The following XKR4 variants were observed in gnomAD, a reference collection of about 807,000 sequenced individuals.
XKR4 encodes XK related 4.
XKR4 carries 12 observed loss-of-function variants against 53.9 expected under a neutral mutation model. That is an observed-to-expected ratio of 0.22 (90% CI 0.14 to 0.36). XKR4 has a LOEUF of 0.36. Ranked by LOEUF, XKR4 falls within the 10% of genes least tolerant of loss-of-function variation. XKR4 has a pLI of 1.00. For synonymous variants in XKR4, 354 were observed against 362.4 expected, an observed-to-expected ratio of 0.98 and a Z score of 0.26; for missense variants, 799 against 859.5, an observed-to-expected ratio of 0.93 and a Z score of 0.88.
At chr8:55,351,291 G>A (rs1803719603) in intron 1 of XKR4, among the ~76,000 whole-genome samples, 1 of 152,022 alleles carries the variant, frequency 6.6e-6, no homozygotes, top group Admixed American at 6.6e-5. Flanking sequence ...AGTATTAGAA[G>A]GTTTGATTTT....
chr8:55,349,828 C>G (rs1012142846), intron 1 of XKR4, among the ~76,000 whole-genome samples: 1 of 152,102 alleles, frequency 6.6e-6, no homozygotes, highest in Non-Finnish European at 1.5e-5. Context: ...TTCTAGAGAA[C>G]AATTTTACAA....
intron 1 of XKR4, among the ~76,000 whole-genome samples, chr8:55,244,380 C>T (rs918219947): frequency 1.3e-5 from 2 of 152,190 alleles, no homozygotes; most frequent in Non-Finnish European, 2.9e-5. Flanking sequence ...ATCCATGTTG[C>T]TGCATAGGAC....
intron 1 of XKR4, among the ~76,000 whole-genome samples, chr8:55,255,746 G>A (rs1818430044): frequency 1.3e-5 from 2 of 152,062 alleles, no homozygotes; most frequent in South Asian, 4.2e-4. Flanking sequence ...GATTAGCAAG[G>A]AGCTCTTTGT....
chr8:55,452,929 TCTC>T (rs1266023765), intron 2 of XKR4: 3 of 789,304 alleles, frequency 3.8e-6, no homozygotes, highest in African/African-American at 3.4e-5. Flanking sequence ...AACACTGTGC[TCTC>T]CTCCTTCTGC....
At chr8:55,402,318 C>A (rs1804613033) in intron 2 of XKR4, among the ~76,000 whole-genome samples, 1 of 152,194 alleles carries the variant, frequency 6.6e-6, no homozygotes, top group African/African-American at 2.4e-5. Context: ...CTGGGGCCAC[C>A]TTCACCCATG....
chr8:55,351,124 T>C (rs1303817295), intron 1 of XKR4, among the ~76,000 whole-genome samples: 1 of 152,206 alleles, frequency 6.6e-6, no homozygotes. Context: ...CACTTCACAC[T>C]CCTGAACTGC....
intron 2 of XKR4, among the ~76,000 whole-genome samples, chr8:55,496,950 C>T (rs2129402918): frequency 6.6e-6 from 1 of 152,332 alleles, no homozygotes. Flanking sequence ...TCTGTCCCTT[C>T]AGTAGTGATC....
At chr8:55,230,609 C>G (rs1019668349) in intron 1 of XKR4, among the ~76,000 whole-genome samples, 2 of 152,106 alleles carry the variant, frequency 1.3e-5, no homozygotes, top group African/African-American at 4.8e-5. Context: ...CTCAAGTGAT[C>G]CGCCCACCTC....
At chr8:55,184,855 T>C (rs1486526703) in intron 1 of XKR4, among the ~76,000 whole-genome samples, 1 of 133,416 alleles carries the variant, frequency 7.5e-6, no homozygotes, top group Non-Finnish European at 1.7e-5. Context: ...TATTTTTTTC[T>C]TTTTTAAGGC....
intron 2 of XKR4, among the ~76,000 whole-genome samples, chr8:55,433,614 A>G (rs1279626121): frequency 6.6e-6 from 1 of 152,252 alleles, no homozygotes. Context: ...CATTCCTTAA[A>G]CAAATGAAAC....
At chr8:55,520,752 T>C (rs1319600431) in intron 2 of XKR4, among the ~76,000 whole-genome samples, 2 of 152,232 alleles carry the variant, frequency 1.3e-5, no homozygotes, top group Non-Finnish European at 2.9e-5. Flanking sequence ...TTTCTACGGC[T>C]ACAGTATCAT....
At chr8:55,162,532 A>G (rs1276305269) in intron 1 of XKR4, among the ~76,000 whole-genome samples, 1 of 152,240 alleles carries the variant, frequency 6.6e-6, no homozygotes, top group Non-Finnish European at 1.5e-5. Flanking sequence ...AAATAAGACA[A>G]TGTATCTAAG....
intron 2 of XKR4, chr8:55,517,338 T>C (rs924519429): frequency 2.0e-5 from 3 of 151,450 alleles, no homozygotes; most frequent in Admixed American, 6.6e-5. Flanking sequence ...ATTTAGGAAG[T>C]TAATAGGCAA....
intron 1 of XKR4, among the ~76,000 whole-genome samples, chr8:55,350,332 C>T (rs540816516): frequency 6.6e-6 from 1 of 152,182 alleles, no homozygotes; most frequent in Admixed American, 6.5e-5. Flanking sequence ...GGCAGGACTT[C>T]CAGGCTGGTA....
rs189068579 is a variant in XKR4 at position 55,329,325 on chromosome 8, C to T, written c.807-28353C>T. 2.7e-3 allele frequency among the ~76,000 whole-genome samples: 404 copies of T among 152,176 alleles called. 1 individual carries two copies. The highest frequency in any genetic ancestry group is 2.2e-3 in the Non-Finnish European group (152 of 68,002). On this transcript the variant is annotated intron_variant, in intron 1 of 2. Coordinates refer to ENST00000327381, the MANE Select transcript of XKR4 (RefSeq NM_052898.2). The stretch of plus-strand genomic sequence containing the variant: ...CTGCATGTAGCCCAGGACGGCTCTG[C>T]ATTGCTGCCCAACACAAATTCGTAA...
intron 2 of XKR4, among the ~76,000 whole-genome samples, chr8:55,418,413 ATGT>A (rs1409437430): frequency 6.6e-6 from 1 of 152,182 alleles, no homozygotes; most frequent in Non-Finnish European, 1.5e-5. Flanking sequence ...ATTTCTCTGT[ATGT>A]TTTACATGCA....
intron 1 of XKR4, among the ~76,000 whole-genome samples, chr8:55,199,583 G>A (rs1023711876): frequency 6.6e-5 from 10 of 152,152 alleles, no homozygotes; most frequent in African/African-American, 1.7e-4. Context: ...AACCACCTGC[G>A]CAGAGTTTCA....
intron 1 of XKR4, among the ~76,000 whole-genome samples, chr8:55,318,148 G>A (rs78338125): frequency 0.059 from 8,940 of 152,186 alleles, 366 homozygotes; most frequent in Middle Eastern, 0.12. Flanking sequence ...GTTACTGGGA[G>A]ACAGGCAGGA....
chr8:55,391,125 C>G (rs1804437870), intron 2 of XKR4, among the ~76,000 whole-genome samples: 1 of 152,164 alleles, frequency 6.6e-6, no homozygotes, highest in African/African-American at 2.4e-5. Flanking sequence ...GAATGTCTCA[C>G]AACATTCTCT....
Sources: gnomAD v4.1 joint callset for allele counts (sites outside exome capture counted in the v4.1 genomes callset) on GRCh38, gnomAD v4.1.1 for gene constraint, MANE v1.5 for transcripts, NCBI Gene and HGNC (gene_info 2026-07-23, HGNC 2026-07-21) for gene names.